Variants in VSTM5 observed in about 807,000 individuals in gnomAD.
VSTM5 encodes the protein V-set and transmembrane domain containing 5.
Under a neutral mutation model 20.3 loss-of-function variants are expected in VSTM5, and 21 were observed. The ratio of observed to expected loss-of-function variants is 1.03; its 90% CI spans 0.73 to 1.49. The LOEUF (loss-of-function observed/expected upper bound fraction) is 1.49, where lower values mean the gene tolerates loss of function less well. VSTM5 is among the 40% of genes most tolerant of loss of function. The pLI, the probability that VSTM5 is intolerant of heterozygous loss-of-function variation, is 0.00. For missense variants in VSTM5, 219 were observed against 250.0 expected, an observed-to-expected ratio of 0.88 and a Z score of 0.84; for synonymous variants, 100 against 102.5, an observed-to-expected ratio of 0.98 and a Z score of 0.14.
At chr11:93,846,750 TA>T (rs1453605392) in intron 1 of VSTM5, among the ~76,000 whole-genome samples, 2 of 141,742 alleles carry the variant, frequency 1.4e-5, no homozygotes, top group Admixed American at 1.5e-4. Flanking sequence ...AATGCATTTT[TA>T]AAAAATTTTT....
intron 1 of VSTM5, among the ~76,000 whole-genome samples, chr11:93,823,084 A>G (rs1048504775): frequency 1.3e-5 from 2 of 152,190 alleles, no homozygotes; most frequent in African/African-American, 4.8e-5. Flanking sequence ...TGCAAAACTA[A>G]AAAATAAATA....
chr11:93,836,248 T>G (rs1384786517), intron 1 of VSTM5, among the ~76,000 whole-genome samples: 1 of 152,264 alleles, frequency 6.6e-6, no homozygotes, highest in Non-Finnish European at 1.5e-5. Flanking sequence ...TCACTATGCC[T>G]GCTTAATCCC....
Position 93,820,422 on chromosome 11 carries a change from A to G in VSTM5, c.*147T>C. ...TGTCCCATCCACAGTCCTCAACTCC[A>G]TGCAGTCAATGTTGTTAATCTCCCA... On this transcript the variant is annotated 3_prime_UTR_variant, in exon 4 of 4. Coordinates refer to ENST00000409977, the MANE Select transcript of VSTM5 (RefSeq NM_001144871.2). The G allele has an allele frequency of 1.2e-6, 1 of 803,478 alleles. No homozygotes were observed. Among genetic ancestry groups the G allele is most frequent in the Non-Finnish European group, 2.0e-6 (1 of 497,824 alleles). The allele number at this position is 803,478 out of a possible 1,614,324, so 49.8% of individuals were successfully genotyped here.
intron 1 of VSTM5, among the ~76,000 whole-genome samples, chr11:93,831,949 G>A (rs1329881209): frequency 6.6e-6 from 1 of 152,206 alleles, no homozygotes; most frequent in Non-Finnish European, 1.5e-5. Flanking sequence ...TTAGTGTGGT[G>A]ATTGTAAATG....
intron 3 of VSTM5, 33 bp downstream of exon 3, chr11:93,820,710 A>G (rs769165775): frequency 6.4e-7 from 1 of 1,551,382 alleles, no homozygotes; most frequent in Non-Finnish European, 8.7e-7. Context: ...CCTCAAAACC[A>G]CTCATGGATT....
At chr11:93,832,850 A>T (rs1416008368) in intron 1 of VSTM5, among the ~76,000 whole-genome samples, 1 of 152,186 alleles carries the variant, frequency 6.6e-6, no homozygotes, top group Non-Finnish European at 1.5e-5. Flanking sequence ...GTCTCTTTTC[A>T]TGGTCCCACA....
At chr11:93,836,802 A>C (rs1362283736) in intron 1 of VSTM5, among the ~76,000 whole-genome samples, 1 of 152,164 alleles carries the variant, frequency 6.6e-6, no homozygotes, top group Non-Finnish European at 1.5e-5. Flanking sequence ...TTGCAGCCCC[A>C]GAACTTTGCA....
At chr11:93,849,625 C>T (rs758305986) in intron 1 of VSTM5, among the ~76,000 whole-genome samples, 2 of 152,212 alleles carry the variant, frequency 1.3e-5, no homozygotes, top group Non-Finnish European at 2.9e-5. Context: ...TCACCTCCAG[C>T]GGCCCTGCTC....
intron 1 of VSTM5, among the ~76,000 whole-genome samples, chr11:93,833,240 A>G (rs984646622): frequency 1.3e-5 from 2 of 152,222 alleles, no homozygotes; most frequent in African/African-American, 4.8e-5. Context: ...AGTCAATTTT[A>G]CCTGTTTCTT....
rs574800038 is a variant in VSTM5, at chr11:93,848,355, G to T, written c.91+2057C>A. ...ACGTCTTTTAAGGGCGCAGGCCCTGGCTAGCACTGGGCAAGTGCTAGGGAC... is the reference window on the plus strand; with the variant it reads ...ACGTCTTTTAAGGGCGCAGGCCCTGTCTAGCACTGGGCAAGTGCTAGGGAC... On this transcript the variant is annotated intron_variant, in intron 1 of 3. Transcript: ENST00000409977. 7.9e-5 allele frequency among the ~76,000 whole-genome samples: 12 copies of T among 152,208 alleles called. 1 individual carries two copies. The highest frequency in any genetic ancestry group is 6.5e-4 in the Admixed American group (10 of 15,290).
At chr11:93,831,861 G>A (rs1944286385) in intron 1 of VSTM5, among the ~76,000 whole-genome samples, 1 of 151,978 alleles carries the variant, frequency 6.6e-6, no homozygotes, top group African/African-American at 2.4e-5. Context: ...ACTGACCTGG[G>A]CCGTTATCAG....
Position 93,820,621 on chromosome 11 carries a change from CAA to C in VSTM5, c.560-11_560-10del. 6.4e-7 allele frequency: 1 copy of C among 1,551,800 alleles called. No homozygotes were observed. Among genetic ancestry groups the C allele is most frequent in the Non-Finnish European group, 8.7e-7 (1 of 1,147,018 alleles). ...CTCCTCAGTTGTGCTTTCTGTAAAG[CAA>C]AGACAAGTCAATGAGTTGGAAATCA... is the stretch of plus-strand genomic sequence containing the variant. On this transcript the variant is annotated splice_polypyrimidine_tract_variant and intron_variant, in intron 3 of 3. Transcript: ENST00000409977.
intron 1 of VSTM5, among the ~76,000 whole-genome samples, chr11:93,827,030 G>C (rs533354020): frequency 6.6e-6 from 1 of 152,220 alleles, no homozygotes; most frequent in African/African-American, 2.4e-5. Context: ...CATTTAACTA[G>C]GTGTTAGGAA....
chr11:93,839,086 A>T (rs1944347755), intron 1 of VSTM5, among the ~76,000 whole-genome samples: 1 of 152,112 alleles, frequency 6.6e-6, no homozygotes, highest in Non-Finnish European at 1.5e-5. Flanking sequence ...GGCCTTGAGA[A>T]CCCGCTTGCA....
rs1448969540 is a variant in VSTM5, at chr11:93,821,277, A to G, written c.138T>C (p.Thr46=). 6.4e-7 allele frequency: 1 copy of G among 1,551,816 alleles called. No homozygotes were observed. The highest frequency in any genetic ancestry group is 8.7e-7 in the Non-Finnish European group (1 of 1,147,014). ...LYIPQATINA[T]VKEDILLSVE... is the part of the protein sequence containing the mutation. ...CTGAGAGCAGGATGTCTTCTTTGACAGTGGCATTGATGGTGGCCTGAGGAA... is the reference window on the plus strand; with the variant it reads ...CTGAGAGCAGGATGTCTTCTTTGACGGTGGCATTGATGGTGGCCTGAGGAA... Residue 46 remains threonine, a synonymous_variant, in exon 2 of 4, where the codon ACT becomes ACC. Coordinates refer to ENST00000409977, the MANE Select transcript of VSTM5 (RefSeq NM_001144871.2).
At chr11:93,824,120 C>G (rs1041616506) in intron 1 of VSTM5, among the ~76,000 whole-genome samples, 3 of 152,076 alleles carry the variant, frequency 2.0e-5, no homozygotes, top group Non-Finnish European at 4.4e-5. Flanking sequence ...GTTGGTCAGG[C>G]TGGCCTCGAA....
chr11:93,820,202 G>A lies in VSTM5; in HGVS notation c.*367C>T. 1 of 262,126 alleles carries A rather than the reference G, an allele frequency of 3.8e-6. No individual in the cohort carries two copies. Among genetic ancestry groups the A allele is most frequent in the Non-Finnish European group, 7.4e-6 (1 of 136,040 alleles). The allele number at this position is 262,126 out of a possible 1,614,324, so 16.2% of individuals were successfully genotyped here. A position where few individuals can be genotyped will look rare whatever the true frequency, so the allele number is the denominator to read the frequency against. ...CTGCACATCCATCTGGAAATCCTCTGGCCTCTGATACAGGGACTCTGACAA... is the reference window on the plus strand; with the variant it reads ...CTGCACATCCATCTGGAAATCCTCTAGCCTCTGATACAGGGACTCTGACAA... On this transcript the variant is annotated 3_prime_UTR_variant, in exon 4 of 4. Transcript: ENST00000409977.
intron 1 of VSTM5, among the ~76,000 whole-genome samples, chr11:93,842,835 C>T (rs1296033572): frequency 6.6e-6 from 1 of 152,224 alleles, no homozygotes; most frequent in East Asian, 1.9e-4. Context: ...GGGACAGCGG[C>T]TCATGCCTGT....
intron 1 of VSTM5, among the ~76,000 whole-genome samples, chr11:93,830,635 C>T (rs1944274883): frequency 6.6e-6 from 1 of 152,194 alleles, no homozygotes; most frequent in Non-Finnish European, 1.5e-5. Flanking sequence ...AGTATCTCCG[C>T]TGAGCTGAGG....
Sources: gnomAD v4.1 joint callset for allele counts (sites outside exome capture counted in the v4.1 genomes callset) on GRCh38, gnomAD v4.1.1 for gene constraint, MANE v1.5 for transcripts, NCBI Gene and HGNC (gene_info 2026-07-23, HGNC 2026-07-21) for gene names.